The following NR4A3 variants were observed in gnomAD, a reference collection of about 807,000 sequenced individuals.
NR4A3 encodes the protein chondrosarcoma, extraskeletal myxoid, fused to EWS.
NR4A3 carries 13 observed loss-of-function variants against 55.6 expected under a neutral mutation model. That is an observed-to-expected ratio of 0.23 (90% CI 0.15 to 0.37). The LOEUF (loss-of-function observed/expected upper bound fraction) is 0.37, where lower values mean the gene tolerates loss of function less well. NR4A3 is among the 10% of genes least tolerant of loss of function. The pLI, the probability that NR4A3 is intolerant of heterozygous loss-of-function variation, is 1.00. For missense variants in NR4A3, 646 were observed against 822.8 expected, an observed-to-expected ratio of 0.79 and a Z score of 2.63; for synonymous variants, 342 against 357.9, an observed-to-expected ratio of 0.96 and a Z score of 0.50.
intron 6 of NR4A3, among the ~76,000 whole-genome samples, chr9:99,845,278 T>C (rs1434930517): frequency 6.6e-6 from 1 of 152,196 alleles, no homozygotes; most frequent in Admixed American, 6.5e-5. Context: ...CAAGTTACTA[T>C]TCTAGCACAC....
chr9:99,862,508 C>T (rs540247721), intron 7 of NR4A3, among the ~76,000 whole-genome samples: 2 of 134,774 alleles, frequency 1.5e-5, no homozygotes, highest in East Asian at 4.4e-4. Flanking sequence ...CAAGATCGCA[C>T]CACTGCACCC....
chr9:99,834,351 A>G (rs1035520542), intron 5 of NR4A3, among the ~76,000 whole-genome samples: 12 of 152,202 alleles, frequency 7.9e-5, no homozygotes, highest in African/African-American at 2.9e-4. Flanking sequence ...CAGGGTCTCA[A>G]TGAAGAGGGA....
rs1465712405 is a variant in NR4A3 at position 99,822,866 on chromosome 9, A to G, written c.-177+459A>G. Among the ~76,000 whole-genome samples the G allele has an allele frequency of 6.6e-6, 1 of 152,134 alleles. No individual in the cohort carries two copies. The highest frequency in any genetic ancestry group is 2.4e-5 in the African/African-American group (1 of 41,430). On this transcript the variant is annotated intron_variant, in intron 1 of 7. Coordinates refer to ENST00000395097, the MANE Select transcript of NR4A3 (RefSeq NM_006981.4). This position sits in a 1 kb window ranked among gnomAD's most constrained non-coding sequence, Gnocchi z 4.9. ...AATAGGAGCTCTGGTGGGTCCAAGTAAATGTTGCTAATGGTGGCACCGAGC... is the reference window on the plus strand; with the variant it reads ...AATAGGAGCTCTGGTGGGTCCAAGTGAATGTTGCTAATGGTGGCACCGAGC...
chr9:99,839,066 C>G (rs1827606489), intron 5 of NR4A3, among the ~76,000 whole-genome samples: 1 of 152,166 alleles, frequency 6.6e-6, no homozygotes, highest in Admixed American at 6.5e-5. Context: ...TCCACATGAA[C>G]CTTACATACC....
In NR4A3 at chr9:99,828,170, G is replaced by C; in HGVS notation, c.128G>C (p.Gly43Ala). 1 of 1,614,082 alleles carries C rather than the reference G, an allele frequency of 6.2e-7. No homozygotes were observed. The highest frequency in any genetic ancestry group is 8.5e-7 in the Non-Finnish European group (1 of 1,180,012). The part of the protein sequence containing the change: ...PDYTKLTMDL[G>A]STEITATATT... ...TACACCAAGCTGACCATGGACCTTGGCAGCACTGAGATCACGGCTACAGCC... is the reference window on the plus strand; with the variant it reads ...TACACCAAGCTGACCATGGACCTTGCCAGCACTGAGATCACGGCTACAGCC... The change falls in exon 3 of 8, where the codon GGC becomes GCC. Residue 43 changes from glycine (G) to alanine (A), a missense_variant. Around this residue, in one of 5 missense-constraint regions of NR4A3, gnomAD observed 426 missense variants for 429.4 expected, o/e 0.99. Transcript: ENST00000395097. The surrounding 1 kb of genome is among the most constrained non-coding windows in gnomAD (Gnocchi z 7.7).
intron 5 of NR4A3, among the ~76,000 whole-genome samples, chr9:99,839,805 A>G (rs1258904638): frequency 2.0e-5 from 3 of 152,204 alleles, no homozygotes; most frequent in East Asian, 3.8e-4. Context: ...CATTTGACCT[A>G]TGTTCGATTG....
At chr9:99,851,387 A>T (rs1827846599) in intron 7 of NR4A3, among the ~76,000 whole-genome samples, 2 of 152,118 alleles carry the variant, frequency 1.3e-5, no homozygotes, top group Admixed American at 6.6e-5. Flanking sequence ...CAGCTGGGCT[A>T]TTTACATTAC....
rs1427600290 is a variant in NR4A3 at position 99,825,426 on chromosome 9, G to A, written c.-176-233G>A. On this transcript the variant is annotated intron_variant, in intron 1 of 7. Transcript: ENST00000395097. This position sits in a 1 kb window ranked among gnomAD's most constrained non-coding sequence, Gnocchi z 5.0. ...TTGGTGCCACAAAACGGTGGTAGGCGCAGTGGGTTCCAACAACCTTTCCTC... is the reference window on the plus strand; with the variant it reads ...TTGGTGCCACAAAACGGTGGTAGGCACAGTGGGTTCCAACAACCTTTCCTC... Among the ~76,000 whole-genome samples the A allele has an allele frequency of 6.6e-6, 1 of 152,092 alleles. No individual in the cohort carries two copies. Among genetic ancestry groups the A allele is most frequent in the African/African-American group, 2.4e-5 (1 of 41,420 alleles).
At chr9:99,861,783 G>GC (rs1192283895) in intron 7 of NR4A3, among the ~76,000 whole-genome samples, 2 of 152,034 alleles carry the variant, frequency 1.3e-5, no homozygotes, top group African/African-American at 2.4e-5. Flanking sequence ...TAACAAAAAT[G>GC]CCCCCAACTT....
chr9:99,845,357 A>G (rs560735680), intron 6 of NR4A3, among the ~76,000 whole-genome samples: 1 of 152,336 alleles, frequency 6.6e-6, no homozygotes, highest in African/African-American at 2.4e-5. Context: ...ACACTCTTAG[A>G]TAGAAAGATT....
chr9:99,827,954 T>C (rs1827337832), intron 2 of NR4A3, 87 bp from the exon 3 acceptor site: 1 of 1,467,808 alleles, frequency 6.8e-7, no homozygotes, highest in African/African-American at 1.4e-5. Context: ...GTTTCCCAGA[T>C]TAGAGAACAG....
intron 7 of NR4A3, among the ~76,000 whole-genome samples, chr9:99,851,320 C>T (rs893997203): frequency 1.3e-5 from 2 of 152,118 alleles, no homozygotes; most frequent in Admixed American, 1.3e-4. Context: ...TATGAGCTGC[C>T]ATGGATCTTG....
At chr9:99,852,221 G>A (rs1213565044) in intron 7 of NR4A3, among the ~76,000 whole-genome samples, 1 of 152,164 alleles carries the variant, frequency 6.6e-6, no homozygotes, top group Non-Finnish European at 1.5e-5. Context: ...GAACAGCAAG[G>A]GCATGGCAGT....
rs139234134 is a variant in NR4A3, at chr9:99,833,467, A to T, written c.1254+13A>T. The T allele has an allele frequency of 6.2e-7, 1 of 1,613,932 alleles. No homozygotes were observed. Among genetic ancestry groups the T allele is most frequent in the African/African-American group, 1.3e-5 (1 of 74,900 alleles). On this transcript the variant is annotated intron_variant, in intron 5 of 7. Coordinates refer to ENST00000395097, the MANE Select transcript of NR4A3 (RefSeq NM_006981.4). ...TGATTATTCCAGAGTAAGTTTTATG[A>T]TTTCCTGCTTTCAAATGAATGATCA...
chr9:99,824,605 C>T (rs1827258174), intron 1 of NR4A3, among the ~76,000 whole-genome samples: 1 of 152,220 alleles, frequency 6.6e-6, no homozygotes, highest in Admixed American at 6.5e-5. Flanking sequence ...TGCAGGCAAG[C>T]CCCGGGCTCA....
intron 5 of NR4A3, among the ~76,000 whole-genome samples, chr9:99,842,876 C>A (rs1296339602): frequency 2.0e-5 from 3 of 152,172 alleles, no homozygotes; most frequent in Non-Finnish European, 4.4e-5. Context: ...CTTCTCTGAG[C>A]CTCAGTTTTT....
chr9:99,826,753 C>G (rs1287364415), intron 2 of NR4A3: 2 of 1,613,178 alleles, frequency 1.2e-6, no homozygotes, highest in African/African-American at 2.7e-5. Flanking sequence ...TTTTTCAAGT[C>G]AAGATTTCAT....
chr9:99,859,170 A>T (rs1827972065), intron 7 of NR4A3, among the ~76,000 whole-genome samples: 1 of 152,220 alleles, frequency 6.6e-6, no homozygotes. Context: ...TGTTTTGTTT[A>T]ATGGTGGACA....
intron 3 of NR4A3, among the ~76,000 whole-genome samples, chr9:99,829,267 CAG>C (rs1277090534): frequency 6.6e-6 from 1 of 152,172 alleles, no homozygotes; most frequent in Non-Finnish European, 1.5e-5. Context: ...GAGCTTTCAG[CAG>C]AGTCTTAAAA....
Sources: allele counts gnomAD v4.1 joint callset (sites outside exome capture counted in the v4.1 genomes callset), GRCh38; gene constraint gnomAD v4.1.1; regional missense constraint gnomAD v4.1.1; non-coding constraint Gnocchi (gnomAD v3.1); transcripts MANE v1.5; gene names NCBI Gene and HGNC (gene_info 2026-07-23, HGNC 2026-07-21).